TMPRSS6: variants seen among roughly 807,000 people sequenced by gnomAD.
TMPRSS6 encodes the protein transmembrane protease serine 6.
A neutral mutation model predicts 101.5 loss-of-function variants in TMPRSS6; 67 were observed. The ratio of observed to expected loss-of-function variants is 0.66; its 90% CI spans 0.54 to 0.81. The LOEUF (loss-of-function observed/expected upper bound fraction) is 0.81, where lower values mean the gene tolerates loss of function less well. TMPRSS6 is among the 30% of genes least tolerant of loss of function. The probability of loss-of-function intolerance (pLI) is 0.00; values close to 1 mark genes in which losing one functional copy is unlikely to be tolerated. For missense variants in TMPRSS6, 1,034 were observed against 1,088.7 expected (o/e 0.95, Z 0.71); for synonymous variants, 453 against 464.9 (o/e 0.97, Z 0.33).
chr22:37,078,251 GT>G (rs1404337979), intron 10 of TMPRSS6, among the ~76,000 whole-genome samples: 8 of 152,168 alleles, frequency 5.3e-5, no homozygotes, highest in Non-Finnish European at 8.8e-5. Context: ...GGAGTGGAAC[GT>G]TTCACCCTAG....
At chr22:37,075,976 A>G (rs1301092934) in intron 10 of TMPRSS6, among the ~76,000 whole-genome samples, 2 of 147,914 alleles carry the variant, frequency 1.4e-5, no homozygotes, top group Admixed American at 6.6e-5. Context: ...GGAGGGAAAA[A>G]GAAAGAAAGA....
chr22:37,108,608 G>A lies in TMPRSS6; in HGVS notation c.-2+895C>T, dbSNP rs779277521. ...GCGGGGCCGCGACTCCCCCAGCAAT[G>A]CAGATCCGGATTCAACCACTGCGTA... On this transcript the variant is annotated intron_variant, in intron 1 of 17. Transcript: ENST00000676104. 1.4e-4 allele frequency among the ~76,000 whole-genome samples: 21 copies of A among 152,338 alleles called. 1 individual carries two copies. In the Middle Eastern group the frequency reaches 0.017, roughly 123 times the overall value.
chr22:37,103,263 G>T lies in TMPRSS6; in HGVS notation c.155C>A (p.Ala52Asp). ...CCCCGCCGAAGCCAGCACGAGCAGG[G>T]CCAGCAGCACAAACAGGGGCACCAG... ...LRLVPLFVLL[A>D]LLVLASAGVL... The change falls in exon 2 of 18, where the codon GCC becomes GAC. Residue 52 changes from alanine to aspartate, a missense_variant. Ala to Asp is a moderately radical substitution (Grantham distance 126). Transcript: ENST00000676104. This position sits in a 1 kb window ranked among gnomAD's most constrained non-coding sequence, Gnocchi z 4.4. 2 of 1,614,104 alleles carry T rather than the reference G, an allele frequency of 1.2e-6. No homozygotes were observed. Among genetic ancestry groups the T allele is most frequent in the Non-Finnish European group, 1.7e-6 (2 of 1,179,960 alleles).
chr22:37,108,351 G>A (rs1330659441), intron 1 of TMPRSS6, among the ~76,000 whole-genome samples: 1 of 152,206 alleles, frequency 6.6e-6, no homozygotes, highest in Non-Finnish European at 1.5e-5. Flanking sequence ...GAGTGCCCTA[G>A]AAGGGGCGGC....
Position 37,084,397 on chromosome 22 carries a change from G to C in TMPRSS6, c.1094C>G (p.Ser365Cys). ...THCSWHLTVP[S>C]LDYGLALWFD... ...CCAGAGGGCCAAGCCGTAGTCCAGA[G>C]AGGGCACCTGGGAGGGAGGAGCGGG... is the stretch of plus-strand genomic sequence containing the variant. Residue 365 changes from serine (S) to cysteine (C), a missense_variant, in exon 10 of 18, where the codon TCT (serine) becomes TGT (cysteine). By Grantham distance (112) the Ser-to-Cys change is moderately radical. Transcript: ENST00000676104. 1 of 1,611,718 alleles carries C rather than the reference G, an allele frequency of 6.2e-7. No homozygotes were observed. Among genetic ancestry groups the C allele is most frequent in the Non-Finnish European group, 8.5e-7 (1 of 1,178,878 alleles).
chr22:37,097,620 G>A (rs1048145645), intron 3 of TMPRSS6, among the ~76,000 whole-genome samples: 11 of 152,326 alleles, frequency 7.2e-5, no homozygotes, highest in Admixed American at 2.6e-4. Context: ...ACCAGCCTCC[G>A]TGCAGTGAGC....
chr22:37,096,874 G>A lies in TMPRSS6; in HGVS notation c.337-159C>T, dbSNP rs148287695. Reference sequence around the variant, plus strand: ...CACGGTCACACAGTGCTGAGTGGCCGGGCCGGGGCATGCATGAATCTCACA... The same window carrying A: ...CACGGTCACACAGTGCTGAGTGGCCAGGCCGGGGCATGCATGAATCTCACA... On this transcript the variant is annotated intron_variant, in intron 3 of 17. Coordinates refer to ENST00000676104, the MANE Select transcript of TMPRSS6 (RefSeq NM_001374504.1). Among the ~76,000 whole-genome samples the A allele has an allele frequency of 5.2e-3, 796 of 152,250 alleles. 10 individuals carry two copies. The highest frequency in any genetic ancestry group is 0.018 in the African/African-American group (757 of 41,540).
intron 6 of TMPRSS6, among the ~76,000 whole-genome samples, chr22:37,091,506 C>T (rs981016216): frequency 1.3e-5 from 2 of 152,098 alleles, no homozygotes; most frequent in African/African-American, 2.4e-5. Flanking sequence ...CACCTAGCAC[C>T]AACACTCATC....
At chr22:37,073,067 A>G (rs2146054263) in intron 13 of TMPRSS6, among the ~76,000 whole-genome samples, 1 of 130,514 alleles carries the variant, frequency 7.7e-6, no homozygotes, top group South Asian at 2.8e-4. Context: ...TGGATGATGG[A>G]TGGATGGATG....
chr22:37,072,653 GGATGGATGGATGATGGATGGATGGAT>G (rs1300134577), intron 13 of TMPRSS6, among the ~76,000 whole-genome samples: 9 of 142,678 alleles, frequency 6.3e-5, no homozygotes, highest in African/African-American at 2.4e-4. Context: ...GATGGATGAT[GGATGGATGGATGATGGATGGATGGAT>G]GATGGATGGA....
At chr22:37,075,046 GCAGCTGCCCA>G in intron 11 of TMPRSS6, 79 bp downstream of exon 11, 1 of 1,596,226 alleles carries the variant, frequency 6.3e-7, no homozygotes, top group Non-Finnish European at 8.6e-7. Flanking sequence ...AGCCTCATAA[GCAGCTGCCCA>G]CAGCCCCCTT....
chr22:37,085,168 G>A (rs143054347), intron 8 of TMPRSS6, among the ~76,000 whole-genome samples: 24 of 152,330 alleles, frequency 1.6e-4, no homozygotes, highest in African/African-American at 5.5e-4. Flanking sequence ...CAGGCCTCAC[G>A]GTGGTGGCTG....
upstream of TMPRSS6, among the ~76,000 whole-genome samples, chr22:37,110,203 G>A (rs1207880620): frequency 6.9e-6 from 1 of 144,708 alleles, no homozygotes; most frequent in Admixed American, 7.1e-5. Context: ...GAGTGCAGTG[G>A]TGTGATTTCG....
rs773033786 is a variant in TMPRSS6, at chr22:37,103,195, CA to C, written c.202+20del. The C allele has an allele frequency of 6.8e-6, 11 of 1,613,430 alleles. No individual in the cohort carries two copies. In the Admixed American group the frequency reaches 1.5e-4, roughly 22 times the overall value. On this transcript the variant is annotated intron_variant, in intron 2 of 17. Coordinates refer to ENST00000676104, the MANE Select transcript of TMPRSS6 (RefSeq NM_001374504.1). This position sits in a 1 kb window ranked among gnomAD's most constrained non-coding sequence, Gnocchi z 4.4. ...CCAAGTCCTCCCCAGGTGCCTCTCC[CA>C]GGCGGTCCCACAACGTTACCTAGGA...
chr22:37,087,585 C>T (rs930233117), intron 7 of TMPRSS6, among the ~76,000 whole-genome samples: 2 of 151,984 alleles, frequency 1.3e-5, no homozygotes, highest in African/African-American at 2.4e-5. Context: ...GCAGGCACCA[C>T]CCCCCTCACC....
intron 17 of TMPRSS6, 35 bp downstream of exon 17, chr22:37,066,791 C>T (rs766458181): frequency 1.2e-6 from 2 of 1,609,552 alleles, no homozygotes; most frequent in Non-Finnish European, 1.7e-6. Flanking sequence ...CATCCTTTCT[C>T]CCTCCTCTCT....
intron 6 of TMPRSS6, among the ~76,000 whole-genome samples, chr22:37,092,299 AC>A (rs1193468087): frequency 1.3e-5 from 2 of 149,542 alleles, no homozygotes; most frequent in South Asian, 4.3e-4. Context: ...ATTCCTGCCT[AC>A]CCCCATGCCT....
rs749369051 is a variant in TMPRSS6 at position 37,095,934 on chromosome 22, T to C, written c.561A>G (p.Glu187=). 6.2e-7 allele frequency: 1 copy of C among 1,614,142 alleles called. No homozygotes were observed. The highest frequency in any genetic ancestry group is 1.1e-5 in the South Asian group (1 of 91,078). Residue 187 remains glutamate (E), a synonymous_variant, in exon 5 of 18, where the codon GAA becomes GAG. Coordinates refer to ENST00000676104, the MANE Select transcript of TMPRSS6 (RefSeq NM_001374504.1). ...SAAVPYRAEY[E]VDPEGLVILE... is the part of the protein sequence containing the mutation. The stretch of plus-strand genomic sequence containing the variant: ...GGATCACTAGGCCCTCGGGGTCCAC[T>C]TCGTACTCGGCCCTGTAGGGGACGG...
At chr22:37,089,809 C>G (rs1183629092) in intron 6 of TMPRSS6, 27 bp from the exon 7 acceptor site, 1 of 1,602,106 alleles carries the variant, frequency 6.2e-7, no homozygotes. Context: ...GGCACAGCCC[C>G]TGATTCCTGT....
Sources: gnomAD v4.1 joint callset for allele counts (sites outside exome capture counted in the v4.1 genomes callset) on GRCh38, gnomAD v4.1.1 for gene constraint, Gnocchi (gnomAD v3.1) non-coding constraint, MANE v1.5 for transcripts, NCBI Gene and HGNC (gene_info 2026-07-23, HGNC 2026-07-21) for gene names.